The following TXLNB variants were observed in gnomAD, a reference collection of about 807,000 sequenced individuals.
The protein encoded by TXLNB is beta-taxilin.
Under a neutral mutation model 57.4 loss-of-function variants are expected in TXLNB, and 37 were observed. The ratio of observed to expected loss-of-function variants is 0.64; its 90% CI spans 0.50 to 0.85. The LOEUF (loss-of-function observed/expected upper bound fraction) is 0.85. TXLNB is among the 40% of genes least tolerant of loss of function. TXLNB has a pLI of 0.00. For missense variants in TXLNB, 848 were observed against 825.6 expected (o/e 1.03, Z -0.33); for synonymous variants, 302 against 309.6 (o/e 0.98, Z 0.26).
At chr6:139,167,355 C>T in the TXLNB span, 2 of 1,487,106 alleles carry the variant, frequency 1.3e-6, no homozygotes, top group African/African-American at 2.8e-5. Flanking sequence ...TGCCTGCTTT[C>T]TGTTTGTTAA....
chr6:139,276,925 A>T lies in TXLNB; in HGVS notation c.425-4T>A, dbSNP rs995262530. On this transcript the variant is annotated splice_region_variant and splice_polypyrimidine_tract_variant and intron_variant, in intron 2 of 9. Coordinates refer to ENST00000358430, the MANE Select transcript of TXLNB (RefSeq NM_153235.4). ...ATTAGCAGGTTGGCTTCTTTGCCTT[A>T]AAAAAAAAAGACATGAAAAAAATAA... The T allele has an allele frequency of 3.3e-6, 2 of 597,140 alleles. No individual in the cohort carries two copies. The highest frequency in any genetic ancestry group is 3.8e-4 in the African/African-American group (1 of 2,614). 37.0% of individuals were successfully genotyped at this position (597,140 alleles called of 1,614,324 possible). A position where few individuals can be genotyped will look rare whatever the true frequency, so the allele number is the denominator to read the frequency against.
At chr6:139,238,749 G>T (rs973460700), downstream of TXLNB, among the ~76,000 whole-genome samples, 2 of 152,164 alleles carry the variant, frequency 1.3e-5, no homozygotes, top group South Asian at 4.1e-4. Flanking sequence ...TGCCTCACTC[G>T]CCTGTGAAAC....
chr6:139,304,124 G>A, the TXLNB span, among the ~76,000 whole-genome samples: 5 of 152,022 alleles, frequency 3.3e-5, no homozygotes, highest in Non-Finnish European at 7.4e-5. Flanking sequence ...CCCTAGCAAT[G>A]AACAAAAAGA....
At chr6:139,236,329 GT>G (rs1382805797), downstream of TXLNB, among the ~76,000 whole-genome samples, 1 of 152,168 alleles carries the variant, frequency 6.6e-6, no homozygotes, top group Non-Finnish European at 1.5e-5. Flanking sequence ...CTGCTGTGGA[GT>G]CAGTGCTCTC....
At chr6:139,199,671 T>C in the TXLNB span, among the ~76,000 whole-genome samples, 1 of 152,148 alleles carries the variant, frequency 6.6e-6, no homozygotes, top group African/African-American at 2.4e-5. Context: ...GCATAGGTGG[T>C]GATGGGATCA....
At chr6:139,239,107 C>T (rs1279419585), downstream of TXLNB, 1 of 152,270 alleles carries the variant, frequency 6.6e-6, no homozygotes, top group African/African-American at 2.4e-5. The surrounding 1 kb of genome is among the most constrained non-coding windows in gnomAD (Gnocchi z 4.7). Flanking sequence ...TCTTAGCTCA[C>T]AGTCCTCTTC....
the TXLNB span, among the ~76,000 whole-genome samples, chr6:139,307,831 T>C: frequency 1.3e-5 from 2 of 152,222 alleles, no homozygotes; most frequent in African/African-American, 4.8e-5. Context: ...TCATTTTATC[T>C]GTATAAATAT....
chr6:139,301,190 C>T, the TXLNB span, among the ~76,000 whole-genome samples: 21 of 151,944 alleles, frequency 1.4e-4, no homozygotes, highest in Admixed American at 5.2e-4. Flanking sequence ...TATGGCTAGG[C>T]GAAATCATGG....
the TXLNB span, among the ~76,000 whole-genome samples, chr6:139,182,685 A>G: frequency 3.3e-5 from 5 of 152,344 alleles, no homozygotes; most frequent in African/African-American, 9.6e-5. Context: ...TTTGAGGACA[A>G]TAAAGTGCTG....
intron 7 of TXLNB, among the ~76,000 whole-genome samples, chr6:139,255,207 C>A (rs891793607): frequency 6.6e-6 from 1 of 152,044 alleles, no homozygotes; most frequent in African/African-American, 2.4e-5. Context: ...GAGCAGTTTA[C>A]GTTTTCTTCT....
chr6:139,280,742 C>T (rs1335448082), intron 2 of TXLNB, among the ~76,000 whole-genome samples: 1 of 152,188 alleles, frequency 6.6e-6, no homozygotes, highest in Non-Finnish European at 1.5e-5. Flanking sequence ...TCTCTAACCA[C>T]CTTCCTGATT....
intron 3 of TXLNB, chr6:139,271,477 G>A (rs1375326560): frequency 6.6e-6 from 1 of 151,724 alleles, no homozygotes; most frequent in Non-Finnish European, 1.5e-5. Context: ...GAAGTTCTAG[G>A]GTAGGGTTGT....
At chr6:139,275,778 G>T (rs574278095) in intron 3 of TXLNB, among the ~76,000 whole-genome samples, 26 of 152,258 alleles carry the variant, frequency 1.7e-4, no homozygotes, top group Admixed American at 6.5e-4. Flanking sequence ...ATTCAGTTTT[G>T]GAGGCCCTCT....
At chr6:139,300,441 C>G in the TXLNB span, among the ~76,000 whole-genome samples, 2 of 152,264 alleles carry the variant, frequency 1.3e-5, 1 homozygote, top group South Asian at 4.1e-4. Context: ...TTTATCTTCC[C>G]AATTATGTCT....
chr6:139,168,428 T>G, the TXLNB span, among the ~76,000 whole-genome samples: 4 of 150,142 alleles, frequency 2.7e-5, no homozygotes, highest in Non-Finnish European at 4.5e-5. Flanking sequence ...TTGCATAGTT[T>G]TTTTTTTTTT....
At chr6:139,282,069 A>C (rs1007240064) in intron 2 of TXLNB, among the ~76,000 whole-genome samples, 5 of 150,550 alleles carry the variant, frequency 3.3e-5, no homozygotes, top group Non-Finnish European at 5.9e-5. Context: ...CTTCTCTATG[A>C]ATCTACCTGT....
At chr6:139,167,348 C>T in the TXLNB span, 1 of 1,503,830 alleles carries the variant, frequency 6.6e-7, no homozygotes, top group Non-Finnish European at 9.1e-7. Context: ...TTCACCTTGC[C>T]TGCTTTCTGT....
the TXLNB span, among the ~76,000 whole-genome samples, chr6:139,307,776 T>C: frequency 6.6e-6 from 1 of 152,226 alleles, no homozygotes; most frequent in East Asian, 1.9e-4. Flanking sequence ...ATTGAATTTA[T>C]TGTTAAATGT....
At chr6:139,224,315 G>A in the TXLNB span, among the ~76,000 whole-genome samples, 5 of 118,428 alleles carry the variant, frequency 4.2e-5, no homozygotes, top group East Asian at 8.8e-4. Context: ...GGGAGGGGGG[G>A]AGGGATAGCA....
Sources: allele counts gnomAD v4.1 joint callset (sites outside exome capture counted in the v4.1 genomes callset), GRCh38; gene constraint gnomAD v4.1.1; non-coding constraint Gnocchi (gnomAD v3.1); transcripts MANE v1.5; gene names NCBI Gene and HGNC (gene_info 2026-07-23, HGNC 2026-07-21).